Variants in LRRC37A2 observed in about 807,000 individuals in gnomAD.
The protein encoded by LRRC37A2 is leucine-rich repeat-containing protein 37A2.
LRRC37A2 carries 9 observed loss-of-function variants against 68.8 expected under a neutral mutation model. The observed-to-expected ratio is 0.13, with a 90% confidence interval of 0.08 to 0.23. LRRC37A2 has a LOEUF of 0.23. LRRC37A2 is among the 10% of genes least tolerant of loss of function. The pLI is 1.00. For synonymous variants in LRRC37A2, 63 were observed against 367.6 expected (o/e 0.17, Z 9.48); for missense variants, 168 against 950.4 (o/e 0.18, Z 10.82).
At chr17:46,502,571 G>A in the LRRC37A2 span, among the ~76,000 whole-genome samples, 2 of 151,048 alleles carry the variant, frequency 1.3e-5, no homozygotes, top group Non-Finnish European at 2.9e-5. Flanking sequence ...CAAAGTGCTG[G>A]GATTACAGGC....
At chr17:46,492,145 A>G in the LRRC37A2 span, among the ~76,000 whole-genome samples, 1 of 151,458 alleles carries the variant, frequency 6.6e-6, no homozygotes, top group Admixed American at 6.6e-5. Flanking sequence ...TGGTATTTTC[A>G]GTAGAGACAG....
chr17:46,845,843 T>G, the LRRC37A2 span, among the ~76,000 whole-genome samples: 2 of 140,220 alleles, frequency 1.4e-5, no homozygotes, highest in Non-Finnish European at 3.0e-5. Flanking sequence ...CAGGCTAGAG[T>G]GCAGTGGTGT....
At chr17:46,808,159 G>A in the LRRC37A2 span, among the ~76,000 whole-genome samples, 1 of 152,174 alleles carries the variant, frequency 6.6e-6, no homozygotes, top group South Asian at 2.1e-4. Flanking sequence ...AGGAAACTGA[G>A]GCCCGGGAGG....
At chr17:46,961,812 C>T in the LRRC37A2 span, among the ~76,000 whole-genome samples, 1 of 152,096 alleles carries the variant, frequency 6.6e-6, no homozygotes, top group African/African-American at 2.4e-5. Flanking sequence ...AATGTACACC[C>T]TTTATCTAAT....
rs1481534139 is a variant in LRRC37A2, at chr17:46,554,296, G to A, written c.4859+847G>A. 128 of 116,222 alleles carry A rather than the reference G, an allele frequency of 1.1e-3. 1 individual carries two copies. The highest frequency in any genetic ancestry group is 8.6e-3 in the African/African-American group (111 of 12,970). The allele number at this position is 116,222 out of a possible 1,614,324, so 7.2% of individuals were successfully genotyped here. On this transcript the variant is annotated intron_variant, in intron 12 of 14. Transcript: ENST00000576629. ...TACTAAATTAGCTGGGTGTGGTGGC[G>A]CAGGCGTGTAATCCCAGCTACTTGG... is the stretch of plus-strand genomic sequence containing the variant.
the LRRC37A2 span, chr17:46,935,699 G>A: frequency 1.0e-6 from 1 of 989,142 alleles, no homozygotes; most frequent in South Asian, 4.6e-5. Context: ...AGCCCGTGCT[G>A]GTGATCCCAG....
At chr17:46,880,589 C>A in the LRRC37A2 span, among the ~76,000 whole-genome samples, 24 of 152,188 alleles carry the variant, frequency 1.6e-4, no homozygotes, top group Admixed American at 3.9e-4. Flanking sequence ...ATTGCAATAA[C>A]TTTGCACATT....
the LRRC37A2 span, among the ~76,000 whole-genome samples, chr17:47,043,071 C>A: frequency 6.7e-6 from 1 of 149,756 alleles, no homozygotes; most frequent in African/African-American, 2.4e-5. Flanking sequence ...AGTAGATACT[C>A]ACTGTAATAA....
the LRRC37A2 span, chr17:46,728,743 C>A: frequency 1.7e-6 from 1 of 599,120 alleles, no homozygotes. Context: ...ACATATTCTG[C>A]TTATGTAGGG....
chr17:46,987,080 T>C, the LRRC37A2 span, among the ~76,000 whole-genome samples: 1 of 152,054 alleles, frequency 6.6e-6, no homozygotes, highest in South Asian at 2.1e-4. Flanking sequence ...CCGTCTCTAC[T>C]AAAAATACAA....
the LRRC37A2 span, among the ~76,000 whole-genome samples, chr17:46,810,661 C>T: frequency 6.6e-4 from 101 of 152,204 alleles, no homozygotes; most frequent in African/African-American, 2.2e-3. Flanking sequence ...CTGCACCCCC[C>T]ACCCTTCCCT....
the LRRC37A2 span, among the ~76,000 whole-genome samples, chr17:46,913,737 C>T: frequency 6.6e-6 from 1 of 152,146 alleles, no homozygotes; most frequent in African/African-American, 2.4e-5. Context: ...TGGCAAGGCA[C>T]CAACTGTGTT....
the LRRC37A2 span, among the ~76,000 whole-genome samples, chr17:46,895,301 T>C: frequency 2.0e-5 from 3 of 152,236 alleles, no homozygotes; most frequent in Non-Finnish European, 4.4e-5. Flanking sequence ...TGGAGCCTTA[T>C]GAAGTGCTTC....
At chr17:46,979,291 C>T in the LRRC37A2 span, 1 of 266,482 alleles carries the variant, frequency 3.8e-6, no homozygotes. Context: ...GCGCGCCTGG[C>T]CGCCCCTCCC....
At chr17:46,776,637 G>A in the LRRC37A2 span, among the ~76,000 whole-genome samples, 1 of 152,060 alleles carries the variant, frequency 6.6e-6, no homozygotes, top group Non-Finnish European at 1.5e-5. Flanking sequence ...CAGCCCTGCT[G>A]TGCCAGCTGC....
At chr17:46,851,137 C>G in the LRRC37A2 span, among the ~76,000 whole-genome samples, 1 of 152,162 alleles carries the variant, frequency 6.6e-6, no homozygotes. The surrounding 1 kb of genome is among the most constrained non-coding windows in gnomAD (Gnocchi z 4.3). Flanking sequence ...ACCGCACTTG[C>G]CCGGCAGGAG....
chr17:46,779,896 T>G, the LRRC37A2 span, among the ~76,000 whole-genome samples: 294 of 152,228 alleles, frequency 1.9e-3, 1 homozygote, highest in African/African-American at 6.6e-3. Flanking sequence ...GTAGCTGGGA[T>G]AAGAGGCATG....
At chr17:46,867,922 C>T in the LRRC37A2 span, among the ~76,000 whole-genome samples, 2 of 152,138 alleles carry the variant, frequency 1.3e-5, no homozygotes, top group Admixed American at 6.5e-5. Context: ...TTATGATGAA[C>T]CTGACCACCA....
At chr17:46,737,414 TATACTC>T in the LRRC37A2 span, among the ~76,000 whole-genome samples, 3 of 152,208 alleles carry the variant, frequency 2.0e-5, no homozygotes, top group African/African-American at 7.2e-5. Flanking sequence ...TGGTCAGACT[TATACTC>T]AGGTATTTCT....
Sources: allele counts gnomAD v4.1 joint callset (sites outside exome capture counted in the v4.1 genomes callset), GRCh38; gene constraint gnomAD v4.1.1; non-coding constraint Gnocchi (gnomAD v3.1); transcripts MANE v1.5; gene names NCBI Gene and HGNC (gene_info 2026-07-23, HGNC 2026-07-21).